Variants in AKAP19 observed in about 807,000 individuals in gnomAD.
AKAP19 encodes the protein small A-kinase anchoring protein.
At chr2:190,057,756 T>G in the AKAP19 span, 1 of 1,045,350 alleles carries the variant, frequency 9.6e-7, no homozygotes, top group Admixed American at 1.9e-5. Flanking sequence ...ACCACATTTA[T>G]TTTTAAAAGG....
chr2:190,159,920 T>C, the AKAP19 span, among the ~76,000 whole-genome samples: 1 of 152,202 alleles, frequency 6.6e-6, no homozygotes, highest in East Asian at 1.9e-4. Flanking sequence ...GAACTAGAAT[T>C]TGCCAATGCC....
the AKAP19 span, among the ~76,000 whole-genome samples, chr2:189,929,411 T>A: frequency 9.9e-5 from 15 of 152,184 alleles, no homozygotes; most frequent in Non-Finnish European, 2.2e-4. Flanking sequence ...GGTGGCATAA[T>A]TCAATCTCAA....
At chr2:189,894,115 A>T in the AKAP19 span, among the ~76,000 whole-genome samples, 1 of 152,220 alleles carries the variant, frequency 6.6e-6, no homozygotes, top group Admixed American at 6.5e-5. Flanking sequence ...ATCCTTGTAC[A>T]TTAGGTAATA....
At chr2:190,187,167 T>TAG in the AKAP19 span, among the ~76,000 whole-genome samples, 4,519 of 152,236 alleles carry the variant, frequency 0.03, 196 homozygotes, top group African/African-American at 0.099. Flanking sequence ...TATATATATA[T>TAG]GCATAAAACT....
chr2:190,004,281 A>T, the AKAP19 span, among the ~76,000 whole-genome samples: 1 of 146,550 alleles, frequency 6.8e-6, no homozygotes, highest in African/African-American at 2.5e-5. Context: ...AATAATAATA[A>T]AAAAAAACAT....
At chr2:189,948,307 G>A in the AKAP19 span, among the ~76,000 whole-genome samples, 1 of 151,972 alleles carries the variant, frequency 6.6e-6, no homozygotes, top group African/African-American at 2.4e-5. Context: ...CTGAAAATGA[G>A]ATTCAGATGA....
the AKAP19 span, among the ~76,000 whole-genome samples, chr2:190,032,067 ATTC>A: frequency 6.6e-6 from 1 of 152,202 alleles, no homozygotes; most frequent in Non-Finnish European, 1.5e-5. Context: ...TGAATACAAT[ATTC>A]TGAATGATTC....
At chr2:190,125,235 T>TA in the AKAP19 span, among the ~76,000 whole-genome samples, 1 of 152,160 alleles carries the variant, frequency 6.6e-6, no homozygotes. Flanking sequence ...AGCATGGCTG[T>TA]AATGATATCC....
At chr2:189,907,024 A>G in the AKAP19 span, among the ~76,000 whole-genome samples, 1 of 152,166 alleles carries the variant, frequency 6.6e-6, no homozygotes, top group Non-Finnish European at 1.5e-5. Flanking sequence ...CTCATCTCTC[A>G]CCTAGGTTAT....
chr2:190,004,923 A>G, the AKAP19 span, among the ~76,000 whole-genome samples: 1 of 152,204 alleles, frequency 6.6e-6, no homozygotes, highest in South Asian at 2.1e-4. Context: ...CTGTGTCCGC[A>G]ATTCATTCCT....
chr2:190,084,171 C>A, the AKAP19 span, among the ~76,000 whole-genome samples: 1 of 149,572 alleles, frequency 6.7e-6, no homozygotes, highest in South Asian at 2.1e-4. Context: ...CTGCTCACTG[C>A]AACCTCTGCC....
chr2:189,925,316 T>A, the AKAP19 span, among the ~76,000 whole-genome samples: 1 of 152,162 alleles, frequency 6.6e-6, no homozygotes, highest in African/African-American at 2.4e-5. Flanking sequence ...AGCAACTTTA[T>A]AAAATATAAC....
the AKAP19 span, among the ~76,000 whole-genome samples, chr2:190,111,660 G>A: frequency 1.3e-5 from 2 of 151,896 alleles, no homozygotes; most frequent in Admixed American, 6.6e-5. Context: ...TAGATAGATA[G>A]ACAGACAGAC....
chr2:189,925,701 C>T, the AKAP19 span, among the ~76,000 whole-genome samples: 4 of 151,848 alleles, frequency 2.6e-5, no homozygotes, highest in Admixed American at 2.0e-4. Flanking sequence ...CGCCCTAACC[C>T]AAGGTTAGGG....
chr2:190,168,267 C>A, the AKAP19 span, among the ~76,000 whole-genome samples: 1 of 152,148 alleles, frequency 6.6e-6, no homozygotes, highest in African/African-American at 2.4e-5. Context: ...GGCTGGAACG[C>A]AGGGCACCAA....
the AKAP19 span, among the ~76,000 whole-genome samples, chr2:190,020,420 C>T: frequency 6.6e-6 from 1 of 151,934 alleles, no homozygotes; most frequent in Non-Finnish European, 1.5e-5. Flanking sequence ...ATATTTTTTG[C>T]AACTATTTCA....
chr2:190,203,408 G>A, the AKAP19 span: 2 of 167,088 alleles, frequency 1.2e-5, no homozygotes, highest in Admixed American at 6.5e-5. Flanking sequence ...TAGCTATGAA[G>A]TGGTATATTT....
chr2:190,199,803 A>C, the AKAP19 span: 2 of 1,577,994 alleles, frequency 1.3e-6, no homozygotes, highest in Non-Finnish European at 1.7e-6. Context: ...ATTGTTTTCT[A>C]AAGATGGCCT....
the AKAP19 span, among the ~76,000 whole-genome samples, chr2:190,172,275 C>T: frequency 2.6e-5 from 4 of 152,140 alleles, no homozygotes; most frequent in African/African-American, 9.7e-5. Flanking sequence ...TATTTTCTGT[C>T]CTCTCCCACT....
Sources: gnomAD v4.1 joint callset for allele counts (sites outside exome capture counted in the v4.1 genomes callset) on GRCh38, gnomAD v4.1.1 for gene constraint, MANE v1.5 for transcripts, NCBI Gene and HGNC (gene_info 2026-07-23, HGNC 2026-07-21) for gene names.